Variants in MRPS28 observed in about 807,000 individuals in gnomAD.
The protein encoded by MRPS28 is mitochondrial ribosomal protein S28, also known as small ribosomal subunit protein bS1m.
A neutral mutation model predicts 10.8 loss-of-function variants in MRPS28; 7 were observed. That is an observed-to-expected ratio of 0.65 (90% CI 0.37 to 1.22). MRPS28 has a LOEUF of 1.22. Ranked by LOEUF, MRPS28 falls within the 50% of genes most tolerant of loss-of-function variation. The probability of loss-of-function intolerance (pLI) is 0.02; values close to 1 mark genes in which losing one functional copy is unlikely to be tolerated. For missense variants in MRPS28, 265 were observed against 232.9 expected (o/e 1.14, Z -0.90); for synonymous variants, 121 against 93.3 (o/e 1.30, Z -1.71).
At chr8:79,942,633 A>G (rs895471149) in intron 2 of MRPS28, among the ~76,000 whole-genome samples, 2 of 152,192 alleles carry the variant, frequency 1.3e-5, no homozygotes, top group Non-Finnish European at 2.9e-5. Flanking sequence ...GAATTTACCC[A>G]ACAGTTCTTA....
chr8:79,968,162 A>G (rs1807546286), intron 2 of MRPS28, among the ~76,000 whole-genome samples: 1 of 151,990 alleles, frequency 6.6e-6, no homozygotes, highest in African/African-American at 2.4e-5. Flanking sequence ...CTCTTTTCTA[A>G]ATTTTTGCAA....
chr8:79,944,570 A>G (rs1031257575), intron 2 of MRPS28, among the ~76,000 whole-genome samples: 1 of 152,202 alleles, frequency 6.6e-6, no homozygotes, highest in Non-Finnish European at 1.5e-5. Context: ...GGAGGCTACC[A>G]TTACCTACCA....
intron 2 of MRPS28, among the ~76,000 whole-genome samples, chr8:79,974,314 A>T (rs1807726453): frequency 6.6e-6 from 1 of 152,020 alleles, no homozygotes; most frequent in South Asian, 2.1e-4. Context: ...GCCGAGGTGG[A>T]TGGATCACGA....
In MRPS28 at chr8:79,931,275, T is replaced by C. The variant is rs77293629; in HGVS notation, c.396-12127A>G. 5.6e-3 allele frequency among the ~76,000 whole-genome samples: 853 copies of C among 152,274 alleles called. 7 individuals are homozygous for C. Among genetic ancestry groups the C allele is most frequent in the African/African-American group, 0.02 (818 of 41,552 alleles). ...TTTTATAGAGGTTATCTGCATCTAG[T>C]TGTCCTTGCCCATTTGGACTTCCTA... On this transcript the variant is annotated intron_variant, in intron 2 of 2. Transcript: ENST00000276585.
intron 2 of MRPS28, among the ~76,000 whole-genome samples, chr8:79,999,349 C>G (rs1328525687): frequency 6.6e-6 from 1 of 152,194 alleles, no homozygotes; most frequent in African/African-American, 2.4e-5. Flanking sequence ...AGACAACAGG[C>G]AAACATTTGA....
chr8:79,934,751 A>G (rs1330089346), intron 2 of MRPS28, among the ~76,000 whole-genome samples: 1 of 152,272 alleles, frequency 6.6e-6, no homozygotes. Context: ...TAAAGCATGT[A>G]AATCAGCACT....
At chr8:79,995,214 A>G (rs1808469980) in intron 2 of MRPS28, among the ~76,000 whole-genome samples, 1 of 152,222 alleles carries the variant, frequency 6.6e-6, no homozygotes, top group South Asian at 2.1e-4. Context: ...ATGCTCATTA[A>G]AAGTTTGGTG....
chr8:79,959,335 A>T (rs1586059737), intron 2 of MRPS28, among the ~76,000 whole-genome samples: 1 of 152,208 alleles, frequency 6.6e-6, no homozygotes, highest in East Asian at 1.9e-4. Context: ...TGAAAAAAAA[A>T]TTCAAATTGT....
chr8:80,003,470 T>C (rs960891552), intron 1 of MRPS28, among the ~76,000 whole-genome samples: 1 of 152,164 alleles, frequency 6.6e-6, no homozygotes, highest in African/African-American at 2.4e-5. Context: ...GTTCTAAGCC[T>C]GACCAACATA....
chr8:80,000,576 G>A (rs917451234), intron 2 of MRPS28, among the ~76,000 whole-genome samples: 1 of 152,084 alleles, frequency 6.6e-6, no homozygotes, highest in South Asian at 2.1e-4. Context: ...GTGCATATGT[G>A]GTATATATTT....
chr8:79,981,959 C>T (rs59205618), intron 2 of MRPS28, among the ~76,000 whole-genome samples: 13,480 of 152,154 alleles, frequency 0.089, 1,724 homozygotes, highest in African/African-American at 0.28. Context: ...AAAGTTAAGG[C>T]TCTGGGCAGG....
Position 80,016,663 on chromosome 8 carries a change from T to C in MRPS28, c.213+13373A>G, listed in dbSNP as rs183508618. Among the ~76,000 whole-genome samples the C allele has an allele frequency of 7.4e-3, 1,125 of 152,276 alleles. 11 individuals are homozygous for C. Among genetic ancestry groups the C allele is most frequent in the African/African-American group, 0.026 (1,062 of 41,558 alleles). ...ATATGTGAAGGTAAAATTAAAACTT[T>C]TAAGTTTTTAATTAGTAATTGATCT... On this transcript the variant is annotated intron_variant, in intron 1 of 2. Transcript: ENST00000276585.
At chr8:80,010,292 T>C (rs992031323) in intron 1 of MRPS28, among the ~76,000 whole-genome samples, 1 of 152,252 alleles carries the variant, frequency 6.6e-6, no homozygotes, top group East Asian at 1.9e-4. Context: ...CATTAACAAT[T>C]TGATCTGACG....
chr8:79,927,114 T>C (rs1207354012), intron 2 of MRPS28, among the ~76,000 whole-genome samples: 4 of 152,224 alleles, frequency 2.6e-5, no homozygotes, highest in African/African-American at 9.6e-5. Context: ...GTGTTTTAAA[T>C]ATCAGCTATG....
intron 2 of MRPS28, among the ~76,000 whole-genome samples, chr8:79,945,848 G>A (rs959485411): frequency 2.0e-5 from 3 of 151,938 alleles, no homozygotes; most frequent in African/African-American, 7.3e-5. Flanking sequence ...GTGCAAATTA[G>A]GATAAAAACA....
intron 2 of MRPS28, among the ~76,000 whole-genome samples, chr8:79,975,445 G>T (rs1329840525): frequency 6.6e-6 from 1 of 152,068 alleles, no homozygotes; most frequent in Non-Finnish European, 1.5e-5. Context: ...AAAGGCAAAT[G>T]AATTACATAA....
intron 2 of MRPS28, among the ~76,000 whole-genome samples, chr8:79,998,866 T>C (rs904402350): frequency 4.6e-5 from 7 of 152,214 alleles, no homozygotes; most frequent in African/African-American, 1.7e-4. Flanking sequence ...CTGATCCCTA[T>C]TAGTTGTTAT....
chr8:79,987,201 G>A (rs1009499019), intron 2 of MRPS28, among the ~76,000 whole-genome samples: 4 of 152,168 alleles, frequency 2.6e-5, no homozygotes. Flanking sequence ...AATAAATGGT[G>A]TTGGGAAAAC....
intron 2 of MRPS28, among the ~76,000 whole-genome samples, chr8:79,979,879 C>T (rs1807905206): frequency 8.1e-6 from 1 of 122,834 alleles, no homozygotes; most frequent in African/African-American, 3.2e-5. Flanking sequence ...GCTGCTAAAA[C>T]AACCCCAGTA....
Sources: allele counts gnomAD v4.1 joint callset (sites outside exome capture counted in the v4.1 genomes callset), GRCh38; gene constraint gnomAD v4.1.1; transcripts MANE v1.5; gene names NCBI Gene and HGNC (gene_info 2026-07-23, HGNC 2026-07-21).